Variants in TRHDE observed in about 807,000 individuals in gnomAD.
TRHDE encodes thyrotropin releasing hormone degrading enzyme.
TRHDE carries 72 observed loss-of-function variants against 125.7 expected under a neutral mutation model. The ratio of observed to expected loss-of-function variants is 0.57; its 90% CI spans 0.47 to 0.70. The LOEUF is 0.70. TRHDE is among the 30% of genes least tolerant of loss of function. TRHDE has a pLI of 0.00. For synonymous variants in TRHDE, 509 were observed against 509.1 expected (o/e 1.00, Z 0.00); for missense variants, 1,110 against 1,327.1 (o/e 0.84, Z 2.54).
intron 18 of TRHDE, among the ~76,000 whole-genome samples, chr12:72,657,804 T>C (rs1242961489): frequency 6.6e-6 from 1 of 152,162 alleles, no homozygotes; most frequent in Non-Finnish European, 1.5e-5. Flanking sequence ...ATAGACTCTT[T>C]TAATTGATTA....
intron 3 of TRHDE, among the ~76,000 whole-genome samples, chr12:72,397,048 C>A (rs766066909): frequency 3.9e-5 from 6 of 152,164 alleles, no homozygotes; most frequent in Non-Finnish European, 8.8e-5. Flanking sequence ...TTGAAATTTC[C>A]AATGTGAAAT....
At chr12:72,395,703 G>T (rs1266208635) in intron 3 of TRHDE, among the ~76,000 whole-genome samples, 1 of 151,954 alleles carries the variant, frequency 6.6e-6, no homozygotes, top group Non-Finnish European at 1.5e-5. Flanking sequence ...CCTACTCTAT[G>T]CTTATTCTAT....
Position 72,413,079 on chromosome 12 carries a change from C to A in TRHDE, c.1315+34958C>A, listed in dbSNP as rs563925645. On this transcript the variant is annotated intron_variant, in intron 3 of 18. Transcript: ENST00000261180. The stretch of plus-strand genomic sequence containing the variant: ...CAACATATCATTATTTTTAAGATTA[C>A]ATTTGTGTTTTATATACTACTTCTA... 1.1e-4 allele frequency among the ~76,000 whole-genome samples: 16 copies of A among 152,032 alleles called. No homozygotes were observed. In the South Asian group the frequency reaches 3.1e-3, roughly 30 times the overall value.
chr12:72,370,750 T>A (rs1053682271), intron 2 of TRHDE, among the ~76,000 whole-genome samples: 6 of 151,834 alleles, frequency 4.0e-5, no homozygotes, highest in African/African-American at 1.2e-4. Context: ...TAATGTTATT[T>A]TTTTTTTTTT....
intron 2 of TRHDE, among the ~76,000 whole-genome samples, chr12:72,315,200 C>T (rs938517676): frequency 1.3e-5 from 2 of 152,118 alleles, no homozygotes; most frequent in African/African-American, 4.8e-5. Flanking sequence ...CAGCTACTTG[C>T]CTCAAACCCT....
chr12:72,470,205 C>T (rs1251663264), intron 4 of TRHDE, among the ~76,000 whole-genome samples: 1 of 152,172 alleles, frequency 6.6e-6, no homozygotes, highest in Non-Finnish European at 1.5e-5. Context: ...ATCAACCTTG[C>T]TTTATTTTCT....
intron 3 of TRHDE, among the ~76,000 whole-genome samples, chr12:72,390,160 ACTTC>A: frequency 6.6e-6 from 1 of 152,318 alleles, no homozygotes; most frequent in African/African-American, 2.4e-5. Flanking sequence ...ATCTTTTTAT[ACTTC>A]CTTTTGTCTC....
intron 2 of TRHDE, among the ~76,000 whole-genome samples, chr12:72,234,507 T>A (rs1281315613): frequency 6.6e-6 from 1 of 152,202 alleles, no homozygotes; most frequent in Non-Finnish European, 1.5e-5. Flanking sequence ...TGAGGGCTCT[T>A]TTTGATTAAT....
At chr12:72,090,410 A>G (rs1369304878) in intron 1 of TRHDE, among the ~76,000 whole-genome samples, 1 of 152,212 alleles carries the variant, frequency 6.6e-6, no homozygotes, top group Admixed American at 6.5e-5. Context: ...GAATGAGTAT[A>G]GAATTTGATG....
Position 72,232,277 on chromosome 12 carries a change from C to T in TRHDE, n.279+126525C>T, listed in dbSNP as rs754253277. ...GGCAGGTGAGCTGCTCAGCAGTCTT[C>T]GGATTGGACAGTTTGAATAACTGTA... On this transcript the variant is annotated intron_variant and non_coding_transcript_variant, in intron 2 of 4. Coordinates refer to the TRHDE transcript ENST00000548156. Among the ~76,000 whole-genome samples, 6 of 152,248 alleles carry T rather than the reference C, an allele frequency of 3.9e-5. No homozygotes were observed. In the Middle Eastern group the frequency reaches 0.01, roughly 259 times the overall value.
At chr12:72,293,839 C>T (rs1276307904) in intron 2 of TRHDE, among the ~76,000 whole-genome samples, 1 of 152,198 alleles carries the variant, frequency 6.6e-6, no homozygotes, top group African/African-American at 2.4e-5. Context: ...GCGCTTGGCT[C>T]ACACTACTGG....
At chr12:72,412,358 ATAAT>A (rs1873549225) in intron 3 of TRHDE, among the ~76,000 whole-genome samples, 1 of 152,168 alleles carries the variant, frequency 6.6e-6, no homozygotes, top group Non-Finnish European at 1.5e-5. Flanking sequence ...AATTAGAGAA[ATAAT>A]TCTGCAATGA....
At chr12:72,250,563 T>C (rs1431379883) in intron 2 of TRHDE, among the ~76,000 whole-genome samples, 2 of 152,088 alleles carry the variant, frequency 1.3e-5, no homozygotes, top group Non-Finnish European at 2.9e-5. Flanking sequence ...TCATTGTGTA[T>C]AGTCAAAAGG....
chr12:72,340,664 C>G (rs1337429042), intron 2 of TRHDE, among the ~76,000 whole-genome samples: 1 of 151,962 alleles, frequency 6.6e-6, no homozygotes. Flanking sequence ...AAGATGGGTG[C>G]TAGACCCATC....
intron 2 of TRHDE, among the ~76,000 whole-genome samples, chr12:72,294,131 C>A (rs888860527): frequency 6.6e-6 from 1 of 152,182 alleles, no homozygotes. Context: ...CAGGTCTGGG[C>A]TCCCAGAAGG....
chr12:72,403,629 G>T (rs562694017), intron 3 of TRHDE, among the ~76,000 whole-genome samples: 3 of 152,132 alleles, frequency 2.0e-5, no homozygotes, highest in Non-Finnish European at 2.9e-5. Flanking sequence ...ATTCCAAAAC[G>T]AGAGCCAGGA....
chr12:72,570,886 G>GA, intron 10 of TRHDE, among the ~76,000 whole-genome samples: 1 of 152,258 alleles, frequency 6.6e-6, no homozygotes, highest in East Asian at 1.9e-4. Context: ...ACATTTTAAT[G>GA]AAAAAGGACA....
chr12:72,630,140 A>G (rs1035737029), intron 15 of TRHDE, among the ~76,000 whole-genome samples: 1 of 151,616 alleles, frequency 6.6e-6, no homozygotes, highest in Non-Finnish European at 1.5e-5. Context: ...ACCCACATAC[A>G]TCTGTGGGTT....
At chr12:72,443,291 C>G (rs1875113387) in intron 3 of TRHDE, among the ~76,000 whole-genome samples, 1 of 150,312 alleles carries the variant, frequency 6.7e-6, no homozygotes, top group South Asian at 2.1e-4. Context: ...TTCATAACTT[C>G]TTTATCTTTA....
Sources: gnomAD v4.1 joint callset for allele counts (sites outside exome capture counted in the v4.1 genomes callset) on GRCh38, gnomAD v4.1.1 for gene constraint, MANE v1.5 for transcripts, NCBI Gene and HGNC (gene_info 2026-07-23, HGNC 2026-07-21) for gene names.